ZNF445: variants seen among roughly 807,000 people sequenced by gnomAD.
ZNF445 encodes the protein zinc finger protein 168.
ZNF445 carries 19 observed loss-of-function variants against 93.9 expected under a neutral mutation model. That is an observed-to-expected ratio of 0.20 (90% CI 0.14 to 0.30). The LOEUF is 0.30. Ranked by LOEUF, ZNF445 falls within the 10% of genes least tolerant of loss-of-function variation. The pLI, the probability that ZNF445 is intolerant of heterozygous loss-of-function variation, is 1.00. For synonymous variants in ZNF445, 449 were observed against 446.3 expected (o/e 1.01, Z -0.08); for missense variants, 1,058 against 1,259.4 (o/e 0.84, Z 2.42).
intron 4 of ZNF445, 28 bp from the exon 5 acceptor site, chr3:44,450,990 G>A (rs757336866): frequency 2.5e-5 from 38 of 1,528,146 alleles, no homozygotes; most frequent in South Asian, 6.3e-5. Context: ...ATGAGAGAGC[G>A]GCTCAGCTCT....
intron 1 of ZNF445, among the ~76,000 whole-genome samples, chr3:44,466,433 T>C (rs1272654240): frequency 6.6e-6 from 1 of 152,230 alleles, no homozygotes; most frequent in Admixed American, 6.5e-5. Flanking sequence ...GGTGTTTGGC[T>C]TTCTTTGGTC....
At position 44,432,547 on chromosome 3, in the gene ZNF445, G is replaced by A. The variant is rs934550803; in HGVS notation, c.*14028C>T. 6.6e-6 allele frequency: 1 copy of A among 152,070 alleles called. No individual in the cohort carries two copies. The highest frequency in any genetic ancestry group is 2.4e-5 in the African/African-American group (1 of 41,388). 9.4% of individuals were successfully genotyped at this position (152,070 alleles called of 1,614,324 possible). A position where few individuals can be genotyped will look rare whatever the true frequency, so the allele number is the denominator to read the frequency against. The stretch of plus-strand genomic sequence containing the variant: ...TCTCTTGCCTGAGAGAGAGTCTGGG[G>A]CAGCCAGACTTTATGTTCTCCTCAG... On this transcript the variant is annotated 3_prime_UTR_variant, in exon 8 of 8. Coordinates refer to ENST00000396077, the MANE Select transcript of ZNF445 (RefSeq NM_181489.6).
intron 1 of ZNF445, among the ~76,000 whole-genome samples, chr3:44,460,368 G>A (rs1476726182): frequency 6.6e-6 from 1 of 152,162 alleles, no homozygotes; most frequent in Non-Finnish European, 1.5e-5. Context: ...CTTCTTGCCT[G>A]GGGACTAGAT....
rs1697741063 is a variant in ZNF445, at chr3:44,438,680, GCA to G, written c.*7893_*7894del. The G allele has an allele frequency of 6.6e-6, 1 of 151,966 alleles. No homozygotes were observed. The highest frequency in any genetic ancestry group is 1.5e-5 in the Non-Finnish European group (1 of 68,016). The allele number at this position is 151,966 out of a possible 1,614,324, so 9.4% of individuals were successfully genotyped here. A position where few individuals can be genotyped will look rare whatever the true frequency, so the allele number is the denominator to read the frequency against. ...GCACACATACACCATGGAATACTAT[GCA>G]GCCATAAAAAATGATGAGTTCATGT... On this transcript the variant is annotated 3_prime_UTR_variant, in exon 8 of 8. Transcript: ENST00000396077.
At chr3:44,451,141 T>C (rs1254710680) in intron 4 of ZNF445, among the ~76,000 whole-genome samples, 173 bp downstream of exon 4, 1 of 151,438 alleles carries the variant, frequency 6.6e-6, no homozygotes, top group African/African-American at 2.4e-5. Flanking sequence ...ATGGGGGGTG[T>C]AATGGGGGAG....
At chr3:44,475,481 T>A (rs1698334698) in intron 1 of ZNF445, among the ~76,000 whole-genome samples, 1 of 151,984 alleles carries the variant, frequency 6.6e-6, no homozygotes, top group Admixed American at 6.6e-5. Flanking sequence ...ATTACAGGCA[T>A]GAGCCACCAT....
At position 44,444,077 on chromosome 3, in the gene ZNF445, C is replaced by T. The variant is rs1009398070; in HGVS notation, c.*2498G>A. The stretch of plus-strand genomic sequence containing the variant: ...CAGATGGGACCTGAGCCTGGGAGGT[C>T]AAGGCTGCAGTAAGCTGTGATCCTG... On this transcript the variant is annotated 3_prime_UTR_variant, in exon 8 of 8. Transcript: ENST00000396077. 10 of 152,094 alleles carry T rather than the reference C, an allele frequency of 6.6e-5. No homozygotes were observed. Among genetic ancestry groups the T allele is most frequent in the African/African-American group, 1.9e-4 (8 of 41,404 alleles). 9.4% of individuals were successfully genotyped at this position (152,094 alleles called of 1,614,324 possible).
At chr3:44,449,218 G>A (rs900646511) in intron 7 of ZNF445, among the ~76,000 whole-genome samples, 4 of 152,200 alleles carry the variant, frequency 2.6e-5, no homozygotes, top group Non-Finnish European at 5.9e-5. Flanking sequence ...CAGGAGTGAG[G>A]AGGAGCATCA....
rs953717739 is a variant in ZNF445 at position 44,438,931 on chromosome 3, T to G, written c.*7644A>C. ...TACCTAATGCTAGATGATGAGTTAGTGGGTGCAGCGCACCAGCATGGCACA... is the reference window on the plus strand; with the variant it reads ...TACCTAATGCTAGATGATGAGTTAGGGGGTGCAGCGCACCAGCATGGCACA... On this transcript the variant is annotated 3_prime_UTR_variant, in exon 8 of 8. Transcript: ENST00000396077. The G allele has an allele frequency of 7.1e-6, 1 of 141,828 alleles. No individual in the cohort carries two copies. Among genetic ancestry groups the G allele is most frequent in the South Asian group, 2.5e-4 (1 of 4,042 alleles). The allele number at this position is 141,828 out of a possible 1,614,324, so 8.8% of individuals were successfully genotyped here.
In ZNF445 at chr3:44,432,146, C is replaced by T. The variant is rs1368050198; in HGVS notation, c.*14429G>A. 1 of 152,156 alleles carries T rather than the reference C, an allele frequency of 6.6e-6. No individual in the cohort carries two copies. The highest frequency in any genetic ancestry group is 6.5e-5 in the Admixed American group (1 of 15,280). The allele number at this position is 152,156 out of a possible 1,614,324, so 9.4% of individuals were successfully genotyped here. A position where few individuals can be genotyped will look rare whatever the true frequency, so the allele number is the denominator to read the frequency against. On this transcript the variant is annotated 3_prime_UTR_variant, in exon 8 of 8. Transcript: ENST00000396077. The stretch of plus-strand genomic sequence containing the variant: ...CTCCTGACCTCAAGTGATCCACCTG[C>T]CTCAGCCTCCCAAAGTGCTGAGATT...
At position 44,433,102 on chromosome 3, in the gene ZNF445, C is replaced by G. The variant is rs1329698116; in HGVS notation, c.*13473G>C. ...CTCCATCTCTCACCACCCAAAGCTTCCTGGGATGCTAAGGGTCATCGTTCT... is the reference window on the plus strand; with the variant it reads ...CTCCATCTCTCACCACCCAAAGCTTGCTGGGATGCTAAGGGTCATCGTTCT... On this transcript the variant is annotated 3_prime_UTR_variant, in exon 8 of 8. Transcript: ENST00000396077. 1 of 152,008 alleles carries G rather than the reference C, an allele frequency of 6.6e-6. No individual in the cohort carries two copies. Among genetic ancestry groups the G allele is most frequent in the Non-Finnish European group, 1.5e-5 (1 of 67,994 alleles). The allele number at this position is 152,008 out of a possible 1,614,324, so 9.4% of individuals were successfully genotyped here. A position where few individuals can be genotyped will look rare whatever the true frequency, so the allele number is the denominator to read the frequency against.
At chr3:44,474,395 T>C (rs1407162537) in intron 1 of ZNF445, among the ~76,000 whole-genome samples, 1 of 152,068 alleles carries the variant, frequency 6.6e-6, no homozygotes, top group African/African-American at 2.4e-5. Flanking sequence ...ATGCCTGTAA[T>C]CCCAGCTACT....
Position 44,449,634 on chromosome 3 carries a change from G to A in ZNF445, c.821-11C>T, listed in dbSNP as rs372651580. 19 of 1,602,392 alleles carry A rather than the reference G, an allele frequency of 1.2e-5. No homozygotes were observed. The highest frequency in any genetic ancestry group is 1.5e-5 in the Non-Finnish European group (18 of 1,169,626). On this transcript the variant is annotated splice_polypyrimidine_tract_variant and intron_variant, in intron 6 of 7. Coordinates refer to ENST00000396077, the MANE Select transcript of ZNF445 (RefSeq NM_181489.6). ...TGGTGAATGGTCCCACTGCAGAAGAGAAGAGAATGGCATGAGAAGGGAGAT... is the reference window on the plus strand; with the variant it reads ...TGGTGAATGGTCCCACTGCAGAAGAAAAGAGAATGGCATGAGAAGGGAGAT...
chr3:44,463,011 T>TTGTGTGTGTGTG (rs61329186), intron 1 of ZNF445, among the ~76,000 whole-genome samples: 1 of 144,456 alleles, frequency 6.9e-6, no homozygotes, highest in African/African-American at 2.6e-5. Flanking sequence ...ATTTTTTTCT[T>TTGTGTGTGTGTG]TGTGTGTGTG....
rs1575309127 is a variant in ZNF445, at chr3:44,450,298, A to C, written c.820+149T>G. The C allele has an allele frequency of 1.1e-5, 10 of 898,216 alleles. No homozygotes were observed. In the East Asian group the frequency reaches 2.2e-4, roughly 20 times the overall value. 55.6% of individuals were successfully genotyped at this position (898,216 alleles called of 1,614,324 possible). ...CATTATTCTCCCCATTTTTCAAAAG[A>C]GGCTACCAAGGTGCTAGATTAAGTG... On this transcript the variant is annotated intron_variant, in intron 6 of 7. Transcript: ENST00000396077.
intron 1 of ZNF445, among the ~76,000 whole-genome samples, chr3:44,473,731 TA>T (rs11289249): frequency 0.72 from 96,372 of 133,466 alleles, 33,697 homozygotes; most frequent in East Asian, 0.99. Context: ...AAGGAAGGAC[TA>T]AAAAAAAAAA....
intron 1 of ZNF445, among the ~76,000 whole-genome samples, chr3:44,463,539 G>A (rs1286877151): frequency 2.6e-5 from 4 of 152,182 alleles, no homozygotes; most frequent in Non-Finnish European, 1.5e-5. Flanking sequence ...TCTGTTTTGC[G>A]TTGTGTTATC....
chr3:44,454,415 C>T (rs1697998607), intron 3 of ZNF445, among the ~76,000 whole-genome samples: 1 of 152,114 alleles, frequency 6.6e-6, no homozygotes, highest in African/African-American at 2.4e-5. Flanking sequence ...CTGTAAGCCA[C>T]TGTGTCCAAA....
In ZNF445 at chr3:44,464,809, C is replaced by A. The variant is rs568093496; in HGVS notation, c.-268-6445G>T. Among the ~76,000 whole-genome samples the A allele has an allele frequency of 6.4e-4, 98 of 152,286 alleles. 1 individual carries two copies. The highest frequency in any genetic ancestry group is 1.8e-3 in the Admixed American group (27 of 15,304). On this transcript the variant is annotated intron_variant, in intron 1 of 7. Coordinates refer to ENST00000396077, the MANE Select transcript of ZNF445 (RefSeq NM_181489.6). ...CTCCACCCCAAGCTGGGCACAGTGG[C>A]TCACGGCTGTAATACCAGCACTTTG...
Sources: gnomAD v4.1 joint callset for allele counts (sites outside exome capture counted in the v4.1 genomes callset) on GRCh38, gnomAD v4.1.1 for gene constraint, MANE v1.5 for transcripts, NCBI Gene and HGNC (gene_info 2026-07-23, HGNC 2026-07-21) for gene names.